The following SLC25A48 variants were observed in gnomAD, a reference collection of about 807,000 sequenced individuals.
SLC25A48 encodes CTC-321K16.1.
SLC25A48 carries 29 observed loss-of-function variants against 32.2 expected under a neutral mutation model. That is an observed-to-expected ratio of 0.90 (90% CI 0.67 to 1.23). The LOEUF is 1.23. SLC25A48 is among the 50% of genes most tolerant of loss of function. The pLI is 0.00. For synonymous variants in SLC25A48, 164 were observed against 172.3 expected (o/e 0.95, Z 0.38); for missense variants, 399 against 422.7 (o/e 0.94, Z 0.49).
chr5:135,788,931 G>A (rs1214180016), intron 3 of SLC25A48, among the ~76,000 whole-genome samples: 2 of 150,586 alleles, frequency 1.3e-5, no homozygotes, highest in Non-Finnish European at 3.0e-5. Context: ...ATATCCGGGG[G>A]GAAGAGGGTG....
intron 3 of SLC25A48, among the ~76,000 whole-genome samples, chr5:135,770,808 C>A (rs1319090571): frequency 6.6e-6 from 1 of 151,736 alleles, no homozygotes; most frequent in East Asian, 1.9e-4. Context: ...GGGTGTATAC[C>A]CTCCCTGTGA....
chr5:135,846,791 A>G (rs1759461654), intron 2 of SLC25A48, among the ~76,000 whole-genome samples: 1 of 152,188 alleles, frequency 6.6e-6, no homozygotes, highest in Non-Finnish European at 1.5e-5. Context: ...AGACCTGAGA[A>G]AATAGTATAG....
intron 4 of SLC25A48, among the ~76,000 whole-genome samples, chr5:135,855,949 A>G (rs1388917806): frequency 6.6e-6 from 1 of 152,026 alleles, no homozygotes; most frequent in Non-Finnish European, 1.5e-5. Flanking sequence ...ACAAACCCTC[A>G]TCTCTCGTTC....
intron 3 of SLC25A48, among the ~76,000 whole-genome samples, chr5:135,674,609 G>A (rs939066305): frequency 6.6e-6 from 1 of 151,144 alleles, no homozygotes; most frequent in Non-Finnish European, 1.5e-5. Flanking sequence ...GCCTTTCTGT[G>A]TCTTTTTTTC....
At chr5:135,785,563 G>C (rs905762009) in intron 3 of SLC25A48, among the ~76,000 whole-genome samples, 5 of 149,742 alleles carry the variant, frequency 3.3e-5, no homozygotes, top group Admixed American at 2.0e-4. Flanking sequence ...CAGGGGGGGA[G>C]AGGGTGATAA....
chr5:135,602,970 A>C (rs1393061557), intron 1 of SLC25A48, among the ~76,000 whole-genome samples: 2 of 152,136 alleles, frequency 1.3e-5, no homozygotes, highest in Non-Finnish European at 2.9e-5. Flanking sequence ...TTCAGCTCTC[A>C]CACCAGCAGG....
chr5:135,705,830 G>T (rs1410093222), intron 3 of SLC25A48, among the ~76,000 whole-genome samples: 2 of 152,206 alleles, frequency 1.3e-5, no homozygotes, highest in African/African-American at 4.8e-5. Flanking sequence ...GGGTATCGGG[G>T]ATGTCCTGCT....
intron 3 of SLC25A48, among the ~76,000 whole-genome samples, chr5:135,653,137 C>G (rs1303166406): frequency 1.3e-5 from 2 of 152,204 alleles, no homozygotes; most frequent in South Asian, 2.1e-4. Flanking sequence ...CTTGGACTTT[C>G]CAGCCTCTAG....
rs577005717 is a variant in SLC25A48 at position 135,662,762 on chromosome 5, C to G, written c.-521+27806C>G. On this transcript the variant is annotated intron_variant, in intron 3 of 10. Transcript: ENST00000646290. The stretch of plus-strand genomic sequence containing the variant: ...GCTTCTGTGACACTACTGTTGCCAG[C>G]TTCTTTCTCTGTTCTGTCACCACTC... 3.8e-4 allele frequency among the ~76,000 whole-genome samples: 58 copies of G among 152,266 alleles called. 1 individual carries two copies. The highest frequency in any genetic ancestry group is 6.2e-4 in the South Asian group (3 of 4,816).
intron 3 of SLC25A48, among the ~76,000 whole-genome samples, chr5:135,705,100 G>T (rs911428681): frequency 2.6e-5 from 4 of 152,238 alleles, no homozygotes; most frequent in Non-Finnish European, 1.5e-5. Flanking sequence ...TTGCTTGCTA[G>T]GCTCTAAAAT....
intron 3 of SLC25A48, among the ~76,000 whole-genome samples, chr5:135,809,396 T>G (rs146667957): frequency 6.6e-6 from 1 of 152,326 alleles, no homozygotes; most frequent in East Asian, 1.9e-4. Context: ...CATTCAATAG[T>G]GTGCTGGATG....
chr5:135,834,564 CTT>C (rs1758337311), upstream of SLC25A48: 3 of 441,188 alleles, frequency 6.8e-6, no homozygotes. Flanking sequence ...ACCCTTGCCT[CTT>C]TGTGTCTGGG....
chr5:135,582,004 G>A (rs978246464), intron 1 of SLC25A48, among the ~76,000 whole-genome samples: 1 of 152,228 alleles, frequency 6.6e-6, no homozygotes, highest in South Asian at 2.1e-4. Context: ...CTTCAAGGAG[G>A]TCCCTGGGGT....
chr5:135,720,541 C>G (rs764512261), intron 3 of SLC25A48, among the ~76,000 whole-genome samples: 20 of 152,210 alleles, frequency 1.3e-4, no homozygotes, highest in Admixed American at 4.6e-4. Context: ...ATCAATGACC[C>G]TGTGAATCCA....
intron 7 of SLC25A48, among the ~76,000 whole-genome samples, chr5:135,886,588 A>AATATATATATAT (rs147005349): frequency 3.7e-4 from 13 of 35,426 alleles, no homozygotes; most frequent in Admixed American, 5.9e-4. Context: ...TATTTAACCA[A>AATATATATATAT]ATATATATAT....
intron 3 of SLC25A48, among the ~76,000 whole-genome samples, chr5:135,725,989 C>G (rs1319982010): frequency 6.6e-6 from 1 of 152,186 alleles, no homozygotes; most frequent in African/African-American, 2.4e-5. Context: ...TGACAAGCTG[C>G]GCCTACTTAT....
At chr5:135,779,557 G>A (rs1003820023) in intron 3 of SLC25A48, among the ~76,000 whole-genome samples, 1 of 59,718 alleles carries the variant, frequency 1.7e-5, no homozygotes, top group Non-Finnish European at 6.1e-5. Context: ...ACATTCAGGC[G>A]GGGAGAGGAT....
At chr5:135,647,431 A>G (rs369058483) in intron 3 of SLC25A48, among the ~76,000 whole-genome samples, 17 of 152,278 alleles carry the variant, frequency 1.1e-4, no homozygotes, top group African/African-American at 3.1e-4. Context: ...GCATGGGGCC[A>G]TGGCACAACC....
At chr5:135,815,998 C>T (rs1035079584) in intron 4 of SLC25A48, among the ~76,000 whole-genome samples, 1 of 152,168 alleles carries the variant, frequency 6.6e-6, no homozygotes, top group Non-Finnish European at 1.5e-5. Flanking sequence ...CTCACAGTTC[C>T]ATATGGCTGG....
Sources: gnomAD v4.1 joint callset for allele counts (sites outside exome capture counted in the v4.1 genomes callset) on GRCh38, gnomAD v4.1.1 for gene constraint, MANE v1.5 for transcripts, NCBI Gene and HGNC (gene_info 2026-07-23, HGNC 2026-07-21) for gene names.